Variants in PRKCQ observed in about 807,000 individuals in gnomAD.
The protein encoded by PRKCQ is protein kinase C theta, also known as protein kinase C theta type.
PRKCQ carries 41 observed loss-of-function variants against 91.2 expected under a neutral mutation model. The observed-to-expected ratio is 0.45, with a 90% confidence interval of 0.35 to 0.58. PRKCQ has a LOEUF of 0.58. PRKCQ is among the 20% of genes least tolerant of loss of function. The probability of loss-of-function intolerance (pLI) is 0.00; values close to 1 mark genes in which losing one functional copy is unlikely to be tolerated. For missense variants in PRKCQ, 673 were observed against 896.5 expected (o/e 0.75, Z 3.18); for synonymous variants, 307 against 316.9 (o/e 0.97, Z 0.33).
intron 7 of PRKCQ, among the ~76,000 whole-genome samples, chr10:6,495,798 C>T (rs990271791): frequency 6.6e-6 from 1 of 152,136 alleles, no homozygotes; most frequent in Non-Finnish European, 1.5e-5. Context: ...TTGGAGACTA[C>T]AGATGGCAGG....
At chr10:6,412,905 A>C in the PRKCQ span, among the ~76,000 whole-genome samples, 1 of 152,198 alleles carries the variant, frequency 6.6e-6, no homozygotes, top group Non-Finnish European at 1.5e-5. Context: ...TTATGAGCAC[A>C]ATTGCTCGTG....
chr10:6,428,390 A>C (rs1337891006), intron 17 of PRKCQ, 28 bp from the exon 18 acceptor site: 1 of 1,601,108 alleles, frequency 6.2e-7, no homozygotes, highest in Non-Finnish European at 8.5e-7. Context: ...GGAAGAAAGA[A>C]AGAGAAGAAA....
intron 14 of PRKCQ, among the ~76,000 whole-genome samples, chr10:6,458,187 C>G (rs1835126094): frequency 1.3e-5 from 2 of 152,224 alleles, no homozygotes; most frequent in African/African-American, 4.8e-5. Context: ...CCTTCTGCCT[C>G]AGACTCAAAA....
intron 7 of PRKCQ, 47 bp from the exon 8 acceptor site, chr10:6,491,859 A>G: frequency 6.2e-7 from 1 of 1,612,394 alleles, no homozygotes; most frequent in Non-Finnish European, 8.5e-7. Context: ...TGGGGCCCCG[A>G]CTTTGGATGT....
chr10:6,571,563 T>C (rs1426005887), intron 1 of PRKCQ, among the ~76,000 whole-genome samples: 1 of 152,216 alleles, frequency 6.6e-6, no homozygotes, highest in Non-Finnish European at 1.5e-5. Flanking sequence ...CCCAGCACTT[T>C]GGGAGGCCAA....
intron 1 of PRKCQ, among the ~76,000 whole-genome samples, chr10:6,555,206 G>C (rs147389212): frequency 6.6e-6 from 1 of 151,596 alleles, no homozygotes; most frequent in African/African-American, 2.4e-5. Flanking sequence ...GGGATCAATC[G>C]CACCCTAAAC....
In PRKCQ at chr10:6,557,040, A is replaced by T. The variant is rs144100893; in HGVS notation, c.-10+23171T>A. Reference sequence around the variant, plus strand: ...TTGTTCTTTTCTTTAACCCCTTGCCATTCTTGTGATTTCTGCCTGTCTCCC... The same window carrying T: ...TTGTTCTTTTCTTTAACCCCTTGCCTTTCTTGTGATTTCTGCCTGTCTCCC... On this transcript the variant is annotated intron_variant, in intron 1 of 17. Coordinates refer to ENST00000263125, the MANE Select transcript of PRKCQ (RefSeq NM_006257.5). Among the ~76,000 whole-genome samples the T allele has an allele frequency of 5.4e-3, 814 of 152,040 alleles. 9 individuals carry two copies. Among genetic ancestry groups the T allele is most frequent in the African/African-American group, 0.019 (774 of 41,464 alleles).
downstream of PRKCQ, among the ~76,000 whole-genome samples, chr10:6,425,225 A>ATTT (rs34277466): frequency 6.5e-5 from 9 of 137,688 alleles, no homozygotes; most frequent in African/African-American, 1.9e-4. Flanking sequence ...TCTCTCCTCT[A>ATTT]TTTTTTTTTT....
intron 15 of PRKCQ, among the ~76,000 whole-genome samples, chr10:6,443,746 C>G (rs1381822168): frequency 1.3e-5 from 2 of 152,182 alleles, no homozygotes; most frequent in Non-Finnish European, 2.9e-5. Flanking sequence ...GGAAACCTGT[C>G]ACATGCTACG....
intron 12 of PRKCQ, among the ~76,000 whole-genome samples, chr10:6,469,892 T>G (rs1178609558): frequency 6.6e-6 from 1 of 152,184 alleles, no homozygotes; most frequent in Non-Finnish European, 1.5e-5. Context: ...AGAAGAACCC[T>G]TAAATGCATA....
At chr10:6,489,030 G>A (rs965123591) in intron 8 of PRKCQ, among the ~76,000 whole-genome samples, 1 of 152,084 alleles carries the variant, frequency 6.6e-6, no homozygotes, top group Non-Finnish European at 1.5e-5. Context: ...CCATCCTTCC[G>A]CATTGCCCTC....
intron 12 of PRKCQ, among the ~76,000 whole-genome samples, chr10:6,467,315 GAGAGACAGAGAGAGAC>G (rs1835709779): frequency 1.5e-5 from 2 of 135,612 alleles, no homozygotes; most frequent in African/African-American, 2.6e-5. Context: ...GAGAGAGAGA[GAGAGACAGAGAGAGAC>G]AGACAGAGAG....
intron 15 of PRKCQ, among the ~76,000 whole-genome samples, chr10:6,449,882 C>T (rs1834554383): frequency 6.6e-6 from 1 of 152,096 alleles, no homozygotes; most frequent in Non-Finnish European, 1.5e-5. Flanking sequence ...CAAGAAAATG[C>T]TGAGGGATTT....
intron 15 of PRKCQ, among the ~76,000 whole-genome samples, chr10:6,450,340 T>C (rs1834585189): frequency 7.2e-6 from 1 of 138,722 alleles, no homozygotes; most frequent in South Asian, 2.4e-4. Flanking sequence ...ACAAGGCCAT[T>C]ACATAATGGT....
At chr10:6,436,126 A>G (rs73605138) in intron 16 of PRKCQ, among the ~76,000 whole-genome samples, 3,567 of 152,128 alleles carry the variant, frequency 0.023, 140 homozygotes, top group African/African-American at 0.081. Context: ...AAAAGAAAAG[A>G]ACCTCTTTCA....
Position 6,506,596 on chromosome 10 carries a change from G to A in PRKCQ, c.379+840C>T, listed in dbSNP as rs532939488. ...GCCTCAATATCATCAAATATCTAGTGAGTGTTCAAGTTTTCTATGATTATT... is the reference window on the plus strand; with the variant it reads ...GCCTCAATATCATCAAATATCTAGTAAGTGTTCAAGTTTTCTATGATTATT... On this transcript the variant is annotated intron_variant, in intron 4 of 17. Transcript: ENST00000263125. Among the ~76,000 whole-genome samples the A allele has an allele frequency of 2.0e-5, 3 of 152,106 alleles. No homozygotes were observed. The South Asian group carries it at 6.2e-4, about 32-fold the overall frequency.
intron 12 of PRKCQ, among the ~76,000 whole-genome samples, chr10:6,467,357 CAG>C (rs1564324163): frequency 5.7e-4 from 38 of 66,864 alleles, no homozygotes; most frequent in Admixed American, 6.8e-4. Context: ...GAGAGAGAGA[CAG>C]AGAGAGAGAG....
chr10:6,574,535 G>C lies in PRKCQ; in HGVS notation c.-10+5676C>G, dbSNP rs572177443. 3.3e-5 allele frequency among the ~76,000 whole-genome samples: 5 copies of C among 152,324 alleles called. No homozygotes were observed. In the South Asian group the frequency reaches 6.2e-4, roughly 19 times the overall value. Reference sequence around the variant, plus strand: ...TGGTTCACCTGCTTACAGGTCCTATGTGATCTGGCACAGCTGACTCCTCCA... The same window carrying C: ...TGGTTCACCTGCTTACAGGTCCTATCTGATCTGGCACAGCTGACTCCTCCA... On this transcript the variant is annotated intron_variant, in intron 1 of 17. Coordinates refer to ENST00000263125, the MANE Select transcript of PRKCQ (RefSeq NM_006257.5).
Position 6,456,768 on chromosome 10 carries a change from A to C in PRKCQ, c.1553T>G (p.Ile518Ser). The C allele has an allele frequency of 6.2e-7, 1 of 1,614,138 alleles. No homozygotes were observed. The highest frequency in any genetic ancestry group is 8.5e-7 in the Non-Finnish European group (1 of 1,180,002). The stretch of plus-strand genomic sequence containing the variant: ...GCACATTCCAAAATCCGCGATCTTG[A>C]TATGTCCATCTTTGTCTAACAGGAT... ...DNILLDKDGH[I>S]KIADFGMCKE... is the part of the protein sequence containing the mutation. The change falls in exon 15 of 18, where the codon ATC becomes AGC. Residue 518 changes from isoleucine to serine, a missense_variant. Transcript: ENST00000263125.
Sources: gnomAD v4.1 joint callset for allele counts (sites outside exome capture counted in the v4.1 genomes callset) on GRCh38, gnomAD v4.1.1 for gene constraint, MANE v1.5 for transcripts, NCBI Gene and HGNC (gene_info 2026-07-23, HGNC 2026-07-21) for gene names.